USP34: variants seen among roughly 807,000 people sequenced by gnomAD.
USP34 encodes ubiquitin specific peptidase 34, also known as ubiquitin carboxyl-terminal hydrolase 34.
Under a neutral mutation model 460.3 loss-of-function variants are expected in USP34, and 70 were observed. That is an observed-to-expected ratio of 0.15 (90% CI 0.13 to 0.19). The LOEUF is 0.19. USP34 is among the 10% of genes least tolerant of loss of function. The pLI is 1.00. For missense variants in USP34, 3,985 were observed against 4,236.2 expected (o/e 0.94, Z 1.65); for synonymous variants, 1,647 against 1,405.3 (o/e 1.17, Z -3.85).
chr2:61,221,488 G>T lies in USP34; in HGVS notation c.7899+14C>A. Reference sequence around the variant, plus strand: ...AGGAAAATAAACATTGAAAACACCTGCTGCAAGACTTACCTCCCATATCCT... The same window carrying T: ...AGGAAAATAAACATTGAAAACACCTTCTGCAAGACTTACCTCCCATATCCT... On this transcript the variant is annotated intron_variant, in intron 66 of 79. Transcript: ENST00000398571. 6.3e-7 allele frequency: 1 copy of T among 1,599,492 alleles called. No homozygotes were observed. The highest frequency in any genetic ancestry group is 8.5e-7 in the Non-Finnish European group (1 of 1,172,918).
intron 34 of USP34, among the ~76,000 whole-genome samples, chr2:61,286,714 G>A (rs906014284): frequency 2.0e-5 from 3 of 152,010 alleles, no homozygotes; most frequent in Non-Finnish European, 2.9e-5. Context: ...AAGATAACAC[G>A]AAAAGATATT....
chr2:61,399,966 G>T lies in USP34; in HGVS notation c.553-4733C>A, dbSNP rs190192610. On this transcript the variant is annotated intron_variant, in intron 3 of 79. Transcript: ENST00000398571. ...GAAAGGCTTTAATAAACTTATCAAT[G>T]ATTTTTAAAGTCTTGCATTTTTTTT... Among the ~76,000 whole-genome samples, 4 of 148,500 alleles carry T rather than the reference G, an allele frequency of 2.7e-5. No individual in the cohort carries two copies. In the Admixed American group the frequency reaches 2.7e-4, roughly 10 times the overall value.
intron 48 of USP34, among the ~76,000 whole-genome samples, chr2:61,251,177 A>G (rs1336534737): frequency 6.6e-6 from 1 of 152,130 alleles, no homozygotes; most frequent in East Asian, 1.9e-4. Context: ...AAATAAACGA[A>G]TCTACTGTAA....
chr2:61,262,375 T>A (rs1688915640), intron 43 of USP34, among the ~76,000 whole-genome samples: 1 of 152,156 alleles, frequency 6.6e-6, no homozygotes, highest in South Asian at 2.1e-4. Flanking sequence ...ACGTCCATTG[T>A]TCCTGTGTGT....
At chr2:61,393,811 G>C (rs1693428506) in intron 5 of USP34, among the ~76,000 whole-genome samples, 1 of 152,152 alleles carries the variant, frequency 6.6e-6, no homozygotes, top group South Asian at 2.1e-4. Flanking sequence ...GGTTATTAAA[G>C]AATGAATTTT....
intron 1 of USP34, among the ~76,000 whole-genome samples, chr2:61,431,046 A>G (rs972378167): frequency 4.6e-5 from 7 of 152,182 alleles, no homozygotes; most frequent in African/African-American, 1.7e-4. Flanking sequence ...AAATGAAATG[A>G]AACGAAAACT....
intron 10 of USP34, among the ~76,000 whole-genome samples, chr2:61,359,622 AG>A (rs1692213030): frequency 6.6e-6 from 1 of 152,140 alleles, no homozygotes; most frequent in African/African-American, 2.4e-5. Context: ...TGTGCATCAA[AG>A]GACACTAGAA....
At chr2:61,469,250 A>C (rs937991906) in intron 1 of USP34, among the ~76,000 whole-genome samples, 1 of 152,180 alleles carries the variant, frequency 6.6e-6, no homozygotes, top group Non-Finnish European at 1.5e-5. Flanking sequence ...AAAATTAAGT[A>C]CTTGTTCCTC....
intron 18 of USP34, among the ~76,000 whole-genome samples, chr2:61,338,968 T>C (rs1691508816): frequency 6.6e-6 from 1 of 152,232 alleles, no homozygotes; most frequent in Admixed American, 6.5e-5. Context: ...AAAGTGTTTA[T>C]GTTGTAGCTT....
intron 1 of USP34, among the ~76,000 whole-genome samples, chr2:61,451,392 G>A (rs1490303662): frequency 6.6e-6 from 1 of 151,340 alleles, no homozygotes; most frequent in African/African-American, 2.4e-5. Context: ...TTCTGTACAA[G>A]ACAGACATGG....
intron 51 of USP34, among the ~76,000 whole-genome samples, chr2:61,243,622 C>A: frequency 6.7e-6 from 1 of 150,008 alleles, no homozygotes; most frequent in Non-Finnish European, 1.5e-5. Context: ...GCCTATAATC[C>A]CAGCACTTTG....
chr2:61,323,370 T>C (rs1690985948), intron 21 of USP34, among the ~76,000 whole-genome samples: 2 of 151,760 alleles, frequency 1.3e-5, no homozygotes, highest in Admixed American at 1.3e-4. Context: ...AAAAGTTAGC[T>C]GGGTGTGGTG....
At chr2:61,289,444 A>C (rs1415034697) in intron 33 of USP34, among the ~76,000 whole-genome samples, 1 of 152,170 alleles carries the variant, frequency 6.6e-6, no homozygotes, top group Non-Finnish European at 1.5e-5. Context: ...TGTATAAAAA[A>C]TAAAATTTAC....
chr2:61,373,959 A>G (rs992523511), intron 8 of USP34, among the ~76,000 whole-genome samples: 2 of 152,148 alleles, frequency 1.3e-5, no homozygotes, highest in African/African-American at 4.8e-5. Flanking sequence ...GCTTAAGACC[A>G]GCCCGACCAA....
rs149862503 is a variant in USP34, at chr2:61,243,654, C to G, written c.6627+1556G>C. Among the ~76,000 whole-genome samples, 525 of 150,250 alleles carry G rather than the reference C, an allele frequency of 3.5e-3. 2 individuals carry two copies. Among genetic ancestry groups the G allele is most frequent in the African/African-American group, 0.011 (435 of 40,858 alleles). On this transcript the variant is annotated intron_variant, in intron 51 of 79. Coordinates refer to ENST00000398571, the MANE Select transcript of USP34 (RefSeq NM_014709.4). ...TTTGGGAGCCCAAGGTGGGCGATCA[C>G]AAGGTCAGGAGATCAAGACCATCCT...
chr2:61,334,006 G>GT, intron 18 of USP34, 35 bp from the exon 19 acceptor site: 1 of 1,440,350 alleles, frequency 6.9e-7, no homozygotes, highest in Non-Finnish European at 9.4e-7. Context: ...AATAATTTTA[G>GT]TAATTCTTTT....
At chr2:61,451,747 G>A (rs906455239) in intron 1 of USP34, among the ~76,000 whole-genome samples, 1 of 151,108 alleles carries the variant, frequency 6.6e-6, no homozygotes, top group Admixed American at 6.6e-5. Flanking sequence ...GGAAAAGAGA[G>A]AAATTCAAAT....
At chr2:61,239,300 T>TCACTCACACACACACA (rs1553355588) in intron 53 of USP34, among the ~76,000 whole-genome samples, 8 of 132,856 alleles carry the variant, frequency 6.0e-5, no homozygotes, top group East Asian at 2.3e-4. Context: ...GAGGGCCCTG[T>TCACTCACACACACACA]CACACACACA....
At chr2:61,225,357 G>A (rs1323728194) in intron 62 of USP34, among the ~76,000 whole-genome samples, 5 of 151,660 alleles carry the variant, frequency 3.3e-5, no homozygotes, top group Non-Finnish European at 7.4e-5. Flanking sequence ...TTACAGTTTA[G>A]GAAAATTTTA....
Sources: allele counts gnomAD v4.1 joint callset (sites outside exome capture counted in the v4.1 genomes callset), GRCh38; gene constraint gnomAD v4.1.1; transcripts MANE v1.5; gene names NCBI Gene and HGNC (gene_info 2026-07-23, HGNC 2026-07-21).